The following UBE2J2 variants were observed in gnomAD, a reference collection of about 807,000 sequenced individuals.
UBE2J2 encodes ubiquitin-conjugating enzyme E2 J2.
A neutral mutation model predicts 28.6 loss-of-function variants in UBE2J2; 5 were observed. The ratio of observed to expected loss-of-function variants is 0.17; its 90% confidence interval spans 0.09 to 0.37. The LOEUF (loss-of-function observed/expected upper bound fraction) is 0.37, where lower values mean the gene tolerates loss of function less well. Ranked by LOEUF, UBE2J2 falls within the 10% of genes least tolerant of loss-of-function variation. UBE2J2 has a pLI of 1.00. For missense variants in UBE2J2, 226 were observed against 338.9 expected, an observed-to-expected ratio of 0.67 and a Z score of 2.62; for synonymous variants, 138 against 139.7, an observed-to-expected ratio of 0.99 and a Z score of 0.09.
rs1639109708 is a variant in UBE2J2, at chr1:1,255,370, G to A, written c.613C>T (p.Leu205Phe). Residue 205 changes from leucine (L) to phenylalanine (F), a missense_variant, in exon 7 of 7, where the codon CTC (leucine) becomes TTC (phenylalanine). This residue lies in a region of UBE2J2 where 133 missense variants were observed against 161.5 expected (regional missense o/e 0.82). Coordinates refer to ENST00000349431, the MANE Select transcript of UBE2J2 (RefSeq NM_058167.3). ...ACGGCCCCCGGCGCATGCCCGTTGA[G>A]CAGCTGAATCCCGTTCTGGACGAGG... ...THLVQNGIQL[L>F]NGHAPGAVPN... The A allele has an allele frequency of 6.2e-7, 1 of 1,613,828 alleles. No individual in the cohort carries two copies. The highest frequency in any genetic ancestry group is 8.5e-7 in the Non-Finnish European group (1 of 1,180,036).
chr1:1,255,638 G>T, intron 6 of UBE2J2, 151 bp from the exon 7 acceptor site: 1 of 964,484 alleles, frequency 1.0e-6, no homozygotes, highest in Non-Finnish European at 1.5e-6. Context: ...GAGGGCCCGA[G>T]CGTGGCCGGC....
rs1408594733 is a variant in UBE2J2 at position 1,262,293 on chromosome 1, C to T, written c.172+1053G>A. 6 of 455,614 alleles carry T rather than the reference C, an allele frequency of 1.3e-5. No individual in the cohort carries two copies. In the East Asian group the frequency reaches 3.5e-4, roughly 26 times the overall value. 28.2% of individuals were successfully genotyped at this position (455,614 alleles called of 1,614,324 possible). On this transcript the variant is annotated intron_variant, in intron 3 of 6. Coordinates refer to ENST00000349431, the MANE Select transcript of UBE2J2 (RefSeq NM_058167.3). ...CCACGGCCTGCTGGCATCCCCAACG[C>T]TGGTCATGGGCAATGACACGATGAT... is the stretch of plus-strand genomic sequence containing the variant.
intron 3 of UBE2J2, among the ~76,000 whole-genome samples, chr1:1,259,651 C>T (rs1219178978): frequency 2.0e-5 from 3 of 152,188 alleles, no homozygotes; most frequent in Non-Finnish European, 2.9e-5. Context: ...CAGTTCACAT[C>T]CCCCTTCCTC....
intron 3 of UBE2J2, among the ~76,000 whole-genome samples, chr1:1,258,946 G>A (rs998784247): frequency 2.0e-5 from 3 of 152,274 alleles, no homozygotes; most frequent in African/African-American, 7.2e-5. Flanking sequence ...AGGACCACAA[G>A]TGCACAAGCC....
intron 2 of UBE2J2, among the ~76,000 whole-genome samples, chr1:1,265,564 C>CGTGTGTGTGTGTGT (rs112951404): frequency 0.012 from 1,748 of 143,280 alleles, 36 homozygotes; most frequent in African/African-American, 0.043. Context: ...AGTTTTCTCT[C>CGTGTGTGTGTGTGT]GTGTGTGTGT....
At chr1:1,265,155 G>A (rs1461108362) in intron 2 of UBE2J2, among the ~76,000 whole-genome samples, 1 of 152,178 alleles carries the variant, frequency 6.6e-6, no homozygotes, top group Non-Finnish European at 1.5e-5. Flanking sequence ...GCAGCCTTGG[G>A]GCGGCTGAGA....
At chr1:1,265,359 T>C (rs1035837939) in intron 2 of UBE2J2, among the ~76,000 whole-genome samples, 1 of 152,184 alleles carries the variant, frequency 6.6e-6, no homozygotes, top group African/African-American at 2.4e-5. Flanking sequence ...AGTCTGGTAT[T>C]TTGGTATTTT....
Position 1,255,175 on chromosome 1 carries a change from T to G in UBE2J2, c.*28A>C. ...ACGCTCTGGTGCGCGGTGCCCTCAGTGGCGCCTTGGGTCTCGGCGCCTGGG... is the reference window on the plus strand; with the variant it reads ...ACGCTCTGGTGCGCGGTGCCCTCAGGGGCGCCTTGGGTCTCGGCGCCTGGG... On this transcript the variant is annotated 3_prime_UTR_variant, in exon 7 of 7. Transcript: ENST00000349431. 2 of 1,558,238 alleles carry G rather than the reference T, an allele frequency of 1.3e-6. No homozygotes were observed. Among genetic ancestry groups the G allele is most frequent in the Non-Finnish European group, 8.7e-7 (1 of 1,147,994 alleles).
intron 2 of UBE2J2, among the ~76,000 whole-genome samples, chr1:1,264,573 A>G (rs2101070883): frequency 6.6e-6 from 1 of 152,260 alleles, no homozygotes; most frequent in Non-Finnish European, 1.5e-5. Flanking sequence ...GGAATTCGAG[A>G]CCAGCCTGGT....
chr1:1,266,593 G>A (rs540193301), intron 2 of UBE2J2, among the ~76,000 whole-genome samples: 7 of 151,960 alleles, frequency 4.6e-5, no homozygotes, highest in Admixed American at 1.3e-4. Flanking sequence ...AGGCCAAGGC[G>A]GGCGGATCAC....
rs769236665 is a variant in UBE2J2, at chr1:1,257,225, C to T, written c.258G>A (p.Arg86=). The T allele has an allele frequency of 1.9e-6, 3 of 1,610,508 alleles. No homozygotes were observed. In the South Asian group the frequency reaches 3.3e-5, roughly 18 times the overall value. The change falls in exon 4 of 7, where the codon AGG becomes AGA. Residue 86 remains arginine (R), a synonymous_variant. Coordinates refer to ENST00000349431, the MANE Select transcript of UBE2J2 (RefSeq NM_058167.3). ...CACCTTACCTGGTGTTGCACTTAAACCTCCCGTTGGGAGTGATCATATAGA... is the reference window on the plus strand; with the variant it reads ...CACCTTACCTGGTGTTGCACTTAAATCTCCCGTTGGGAGTGATCATATAGA... ...PSIYMITPNG[R]FKCNTRLCLS...
chr1:1,259,795 CG>C (rs965136351), intron 3 of UBE2J2, among the ~76,000 whole-genome samples: 13 of 152,170 alleles, frequency 8.5e-5, no homozygotes, highest in Non-Finnish European at 1.3e-4. Context: ...CGTGGCCCCA[CG>C]GGGCTCGTGC....
At chr1:1,266,368 G>C (rs570481215) in intron 2 of UBE2J2, 1 of 275,722 alleles carries the variant, frequency 3.6e-6, no homozygotes, top group East Asian at 1.1e-4. Context: ...GAGGCAGGCA[G>C]ATCACCTGAG....
At chr1:1,262,312 CGAT>C (rs1386847719) in intron 3 of UBE2J2, 1 of 456,032 alleles carries the variant, frequency 2.2e-6, no homozygotes, top group Admixed American at 2.3e-5. Flanking sequence ...GGCAATGACA[CGAT>C]GATGGAGGGC....
chr1:1,261,651 G>GTTT (rs59207041), intron 3 of UBE2J2, among the ~76,000 whole-genome samples: 1 of 138,104 alleles, frequency 7.2e-6, no homozygotes, highest in Non-Finnish European at 1.6e-5. Context: ...ACCCATTTTG[G>GTTT]TTTTTTTTTT....
At chr1:1,255,578 C>T (rs1157177989) in intron 6 of UBE2J2, 91 bp from the exon 7 acceptor site, 2 of 1,424,738 alleles carry the variant, frequency 1.4e-6, no homozygotes, top group East Asian at 4.6e-5. Flanking sequence ...CGGTCCACCA[C>T]CAAGAACCAA....
In UBE2J2 at chr1:1,268,102, G is replaced by A. The variant is rs913133184; in HGVS notation, c.1-110C>T. On this transcript the variant is annotated intron_variant, in intron 1 of 6. Transcript: ENST00000349431. This position sits in a 1 kb window ranked among gnomAD's most constrained non-coding sequence, Gnocchi z 4.7. ...GCAGCCCGCCATTCATTCAGGGCCCGGTCACCCAGAGTCACAGCTCACAGG... is the reference window on the plus strand; with the variant it reads ...GCAGCCCGCCATTCATTCAGGGCCCAGTCACCCAGAGTCACAGCTCACAGG... 72 of 1,456,376 alleles carry A rather than the reference G, an allele frequency of 4.9e-5. No individual in the cohort carries two copies. Among genetic ancestry groups the A allele is most frequent in the Middle Eastern group, 2.4e-4 (1 of 4,106 alleles). 90.2% of individuals were successfully genotyped at this position (1,456,376 alleles called of 1,614,324 possible).
chr1:1,269,982 A>G (rs1640065371), intron 1 of UBE2J2, among the ~76,000 whole-genome samples: 2 of 152,112 alleles, frequency 1.3e-5, no homozygotes, highest in Non-Finnish European at 1.5e-5. Context: ...GTGGGAGGTG[A>G]CTGGATCATG....
rs925605988 is a variant in UBE2J2, at chr1:1,254,124, T to C, written c.*1079A>G. The C allele has an allele frequency of 2.0e-5, 3 of 152,046 alleles. No homozygotes were observed. The highest frequency in any genetic ancestry group is 4.8e-5 in the African/African-American group (2 of 41,398). The allele number at this position is 152,046 out of a possible 1,614,324, so 9.4% of individuals were successfully genotyped here. ...CCACCTCGACGCGATGCACCTGCGG[T>C]ACATCCCACCCAGGCGAAGTCACGG... On this transcript the variant is annotated 3_prime_UTR_variant, in exon 7 of 7. Transcript: ENST00000349431.
Sources: gnomAD v4.1 joint callset for allele counts (sites outside exome capture counted in the v4.1 genomes callset) on GRCh38, gnomAD v4.1.1 for gene constraint, gnomAD v4.1.1 regional missense constraint, Gnocchi (gnomAD v3.1) non-coding constraint, MANE v1.5 for transcripts, NCBI Gene and HGNC (gene_info 2026-07-23, HGNC 2026-07-21) for gene names.